Variants in CTNND2 observed in about 807,000 individuals in gnomAD.
CTNND2 encodes the protein catenin delta 2.
In CTNND2, 22 loss-of-function variants were observed where a neutral mutation model predicts 144.4. That is an observed-to-expected ratio of 0.15 (90% CI 0.11 to 0.22). CTNND2 has a LOEUF of 0.22. Among genes scored for constraint, CTNND2 ranks in the 10% least tolerant of loss-of-function variants. The probability of loss-of-function intolerance (pLI) is 1.00; values close to 1 mark genes in which losing one functional copy is unlikely to be tolerated. For synonymous variants in CTNND2, 751 were observed against 695.6 expected (o/e 1.08, Z -1.25); for missense variants, 1,353 against 1,618.8 (o/e 0.84, Z 2.82).
At chr5:11,593,162 C>A (rs1581579156) in intron 2 of CTNND2, among the ~76,000 whole-genome samples, 1 of 152,202 alleles carries the variant, frequency 6.6e-6, no homozygotes, top group Non-Finnish European at 1.5e-5. Context: ...CCAAGGCTTT[C>A]TTAAGCAGGA....
At chr5:11,074,064 T>C (rs1399791854) in intron 16 of CTNND2, among the ~76,000 whole-genome samples, 2 of 152,168 alleles carry the variant, frequency 1.3e-5, no homozygotes, top group African/African-American at 4.8e-5. Context: ...CTTCCTGGGT[T>C]GCACTGGACT....
chr5:11,293,312 T>C lies in CTNND2; in HGVS notation c.1628+53060A>G, dbSNP rs1414884035. On this transcript the variant is annotated intron_variant, in intron 9 of 21. Coordinates refer to ENST00000304623, the MANE Select transcript of CTNND2 (RefSeq NM_001332.4). ...CATACAATTCCAGGGCATAATACTG[T>C]AGAATTTCCACTTAAGATATTCCCT... Among the ~76,000 whole-genome samples the C allele has an allele frequency of 2.6e-5, 4 of 152,316 alleles. No individual in the cohort carries two copies. The East Asian group carries it at 7.7e-4, about 29-fold the overall frequency.
chr5:11,046,883 T>C (rs1253422433), intron 16 of CTNND2, among the ~76,000 whole-genome samples: 1 of 152,144 alleles, frequency 6.6e-6, no homozygotes, highest in East Asian at 1.9e-4. Flanking sequence ...TCAAGCTCCC[T>C]GGAGTTAACA....
chr5:11,419,705 T>C lies in CTNND2; in HGVS notation c.288-7636A>G, dbSNP rs149213033. 9.4e-3 allele frequency among the ~76,000 whole-genome samples: 1,426 copies of C among 152,306 alleles called. 24 individuals carry two copies. Among genetic ancestry groups the C allele is most frequent in the African/African-American group, 0.027 (1,110 of 41,576 alleles). On this transcript the variant is annotated intron_variant, in intron 3 of 21. Transcript: ENST00000304623. ...ATTCCAACATCATAGCCTTAGTAAC[T>C]ATCTCCAGGCCATTTCTAATAAAAA...
At chr5:11,623,877 T>G (rs1781013468) in intron 2 of CTNND2, among the ~76,000 whole-genome samples, 2 of 129,828 alleles carry the variant, frequency 1.5e-5, no homozygotes, top group Admixed American at 8.0e-5. Flanking sequence ...AGCAGCCAGA[T>G]TCATAAAAGC....
intron 9 of CTNND2, among the ~76,000 whole-genome samples, chr5:11,338,549 C>T (rs116810496): frequency 2.8e-3 from 420 of 152,246 alleles, no homozygotes; most frequent in Admixed American, 7.6e-3. Flanking sequence ...TATTTGCTAA[C>T]GAGGAATTAA....
intron 2 of CTNND2, among the ~76,000 whole-genome samples, chr5:11,667,100 TC>T (rs1028946032): frequency 6.6e-6 from 1 of 152,164 alleles, no homozygotes; most frequent in Non-Finnish European, 1.5e-5. Context: ...CATGAAATCA[TC>T]CTTTTTATGG....
chr5:11,268,699 T>TGAA (rs1470364059), intron 9 of CTNND2, among the ~76,000 whole-genome samples: 4 of 152,200 alleles, frequency 2.6e-5, no homozygotes, highest in Admixed American at 2.6e-4. Context: ...AATGATGTAA[T>TGAA]GAAGACTCAT....
At chr5:10,979,656 A>ACT (rs376019453) in intron 21 of CTNND2, among the ~76,000 whole-genome samples, 248 of 150,168 alleles carry the variant, frequency 1.7e-3, no homozygotes, top group African/African-American at 5.2e-3. Flanking sequence ...ACACACATAT[A>ACT]CTCTCTCTCT....
At chr5:11,510,488 T>A (rs13184494) in intron 3 of CTNND2, among the ~76,000 whole-genome samples, 15,909 of 152,270 alleles carry the variant, frequency 0.1, 931 homozygotes, top group African/African-American at 0.15. Context: ...CCTTGTGGTT[T>A]TATTTGTACA....
chr5:11,560,006 G>A (rs1776560325), intron 3 of CTNND2, among the ~76,000 whole-genome samples: 2 of 152,132 alleles, frequency 1.3e-5, no homozygotes, highest in Non-Finnish European at 2.9e-5. Context: ...GGCCCACATT[G>A]CCAGACTCCT....
chr5:11,354,919 T>C (rs1049460486), intron 8 of CTNND2, among the ~76,000 whole-genome samples: 1 of 152,196 alleles, frequency 6.6e-6, no homozygotes, highest in Non-Finnish European at 1.5e-5. Context: ...AAAAATGCTA[T>C]TGAATTAGAA....
chr5:10,982,116 G>A (rs779328027), intron 20 of CTNND2, among the ~76,000 whole-genome samples: 18 of 152,158 alleles, frequency 1.2e-4, no homozygotes, highest in Non-Finnish European at 2.1e-4. Flanking sequence ...GCAAACAGAT[G>A]GTCATTTTGT....
chr5:11,512,984 C>T (rs1052796296), intron 3 of CTNND2, among the ~76,000 whole-genome samples: 1 of 152,232 alleles, frequency 6.6e-6, no homozygotes, highest in Non-Finnish European at 1.5e-5. Context: ...CACCATGAAA[C>T]TTGCCCATAC....
At chr5:11,051,365 C>G (rs114434048) in intron 16 of CTNND2, among the ~76,000 whole-genome samples, 3 of 152,162 alleles carry the variant, frequency 2.0e-5, no homozygotes, top group Non-Finnish European at 2.9e-5. Context: ...AATGGAGACA[C>G]AGCTCCCTGG....
chr5:11,456,358 G>A (rs565213559), intron 3 of CTNND2, among the ~76,000 whole-genome samples: 31 of 150,854 alleles, frequency 2.1e-4, no homozygotes, highest in East Asian at 7.8e-4. Flanking sequence ...TAATGGAGAC[G>A]GAATAGAGAA....
At chr5:11,208,938 T>C (rs570995320) in intron 10 of CTNND2, among the ~76,000 whole-genome samples, 77 of 152,308 alleles carry the variant, frequency 5.1e-4, no homozygotes, top group Admixed American at 4.2e-3. Flanking sequence ...CTCTTTTTAG[T>C]TTTAATTTGT....
intron 14 of CTNND2, among the ~76,000 whole-genome samples, chr5:11,099,943 T>C (rs1487059503): frequency 6.6e-6 from 1 of 152,180 alleles, no homozygotes; most frequent in Non-Finnish European, 1.5e-5. Context: ...TGACATATGC[T>C]AAATGTACTT....
At chr5:11,208,363 T>G (rs1738268964) in intron 10 of CTNND2, among the ~76,000 whole-genome samples, 1 of 152,096 alleles carries the variant, frequency 6.6e-6, no homozygotes, top group Non-Finnish European at 1.5e-5. Flanking sequence ...AAAGTTCATC[T>G]GGAAGAATGA....
Sources: allele counts gnomAD v4.1 joint callset (sites outside exome capture counted in the v4.1 genomes callset), GRCh38; gene constraint gnomAD v4.1.1; transcripts MANE v1.5; gene names NCBI Gene and HGNC (gene_info 2026-07-23, HGNC 2026-07-21).